NEMP1: variants seen among roughly 807,000 people sequenced by gnomAD.
The protein encoded by NEMP1 is nuclear envelope integral membrane protein 1, also known as transmembrane protein 194.
A neutral mutation model predicts 53.7 loss-of-function variants in NEMP1; 29 were observed. The observed-to-expected ratio is 0.54, with a 90% CI of 0.40 to 0.74. The LOEUF (loss-of-function observed/expected upper bound fraction) is 0.74, where lower values mean the gene tolerates loss of function less well. Ranked by LOEUF, NEMP1 falls within the 30% of genes least tolerant of loss-of-function variation. The pLI is 0.00. For missense variants in NEMP1, 477 were observed against 528.6 expected, an observed-to-expected ratio of 0.90 and a Z score of 0.96; for synonymous variants, 193 against 192.9, an observed-to-expected ratio of 1.00 and a Z score of 0.00.
At chr12:57,082,184 C>A (rs902360076), upstream of NEMP1, among the ~76,000 whole-genome samples, 3 of 152,184 alleles carry the variant, frequency 2.0e-5, no homozygotes, top group African/African-American at 7.2e-5. Flanking sequence ...AGTGCCACTG[C>A]ACTCCAGCCC....
At chr12:57,073,466 C>A (rs564326989) in intron 1 of NEMP1, among the ~76,000 whole-genome samples, 3 of 151,598 alleles carry the variant, frequency 2.0e-5, no homozygotes, top group Admixed American at 1.3e-4. Context: ...ATGGAGAAAC[C>A]CCCCCGTCTC....
At position 57,061,056 on chromosome 12, in the gene NEMP1, A is replaced by G. The variant is rs1196178790; in HGVS notation, c.981-111T>C. ...TACAGCAGACAGCCTGAACATTAAG[A>G]GTCATCACTCCTAAAAATTCCATGG... On this transcript the variant is annotated intron_variant, in intron 7 of 8. Coordinates refer to ENST00000300128, the MANE Select transcript of NEMP1 (RefSeq NM_001130963.2). The G allele has an allele frequency of 8.3e-6, 9 of 1,079,842 alleles. No individual in the cohort carries two copies. The Admixed American group carries it at 2.0e-4, about 24-fold the overall frequency. 66.9% of individuals were successfully genotyped at this position (1,079,842 alleles called of 1,614,324 possible).
Position 57,060,917 on chromosome 12 carries a change from C to A in NEMP1, c.1009G>T (p.Val337Phe). Reference protein sequence around the residue: ...RKVCKGAEKPVPPRLLTEEEY... With the variant: ...RKVCKGAEKPFPPRLLTEEEY... ...TCTTCTGTCAGGAGACGAGGGGGAA[C>A]AGGCTTTTCTGCTCCCTTACACACC... Residue 337 changes from valine to phenylalanine, a missense_variant, in exon 8 of 9, where the codon GTT (valine) becomes TTT (phenylalanine). Physicochemically the swap from Val to Phe is conservative, Grantham distance 50. Transcript: ENST00000300128. 1 of 1,614,060 alleles carries A rather than the reference C, an allele frequency of 6.2e-7. No homozygotes were observed. Among genetic ancestry groups the A allele is most frequent in the East Asian group, 2.2e-5 (1 of 44,882 alleles).
chr12:57,084,407 G>A (rs1223105223), intron 1 of NEMP1, among the ~76,000 whole-genome samples: 1 of 152,170 alleles, frequency 6.6e-6, no homozygotes, highest in Non-Finnish European at 1.5e-5. Context: ...AGGAGCCTGA[G>A]AGTCACCCTA....
rs1437881971 is a variant in NEMP1 at position 57,056,160 on chromosome 12, G to C, written c.*3719C>G. On this transcript the variant is annotated 3_prime_UTR_variant, in exon 9 of 9. Transcript: ENST00000300128. ...GCCACTAAAGCTACGAGTTGGTGTT[G>C]GCATGAATCTGCTTTGTTTATTCCC... 1 of 152,132 alleles carries C rather than the reference G, an allele frequency of 6.6e-6. No individual in the cohort carries two copies. The highest frequency in any genetic ancestry group is 6.5e-5 in the Admixed American group (1 of 15,274). 9.4% of individuals were successfully genotyped at this position (152,132 alleles called of 1,614,324 possible).
intron 3 of NEMP1, among the ~76,000 whole-genome samples, chr12:57,070,280 C>T (rs2032283638): frequency 6.6e-6 from 1 of 152,150 alleles, no homozygotes; most frequent in Admixed American, 6.5e-5. Flanking sequence ...TAACCATTCA[C>T]GTCTTTAAAT....
rs1286772544 is a variant in NEMP1 at position 57,059,054 on chromosome 12, T to C, written c.*825A>G. On this transcript the variant is annotated 3_prime_UTR_variant, in exon 9 of 9. Transcript: ENST00000300128. ...CCTTCCTGAAAGGGCAAAGGCAGGGTAAGGAAGAATGGGAAGAGAAGAATA... is the reference window on the plus strand; with the variant it reads ...CCTTCCTGAAAGGGCAAAGGCAGGGCAAGGAAGAATGGGAAGAGAAGAATA... The C allele has an allele frequency of 6.6e-6, 1 of 152,066 alleles. No homozygotes were observed. The highest frequency in any genetic ancestry group is 1.9e-4 in the East Asian group (1 of 5,198). 9.4% of individuals were successfully genotyped at this position (152,066 alleles called of 1,614,324 possible). A position where few individuals can be genotyped will look rare whatever the true frequency, so the allele number is the denominator to read the frequency against.
At chr12:57,071,120 T>C (rs1237253435) in intron 2 of NEMP1, among the ~76,000 whole-genome samples, 4 of 152,196 alleles carry the variant, frequency 2.6e-5, no homozygotes, top group African/African-American at 9.7e-5. Context: ...CTTGTTAACA[T>C]GATCTGAATC....
In NEMP1 at chr12:57,060,926, C is replaced by T; in HGVS notation, c.1000G>A (p.Glu334Lys). 1 of 1,613,946 alleles carries T rather than the reference C, an allele frequency of 6.2e-7. No individual in the cohort carries two copies. Among genetic ancestry groups the T allele is most frequent in the African/African-American group, 1.3e-5 (1 of 75,030 alleles). The change falls in exon 8 of 9, where the codon GAA becomes AAA. Residue 334 changes from glutamate (E) to lysine (K), a missense_variant. Glu to Lys is a moderately conservative substitution (Grantham distance 56). Transcript: ENST00000300128. Reference sequence around the variant, plus strand: ...AGGAGACGAGGGGGAACAGGCTTTTCTGCTCCCTTACACACCTTTCTGTGC... The same window carrying T: ...AGGAGACGAGGGGGAACAGGCTTTTTTGCTCCCTTACACACCTTTCTGTGC... ...ITCRKVCKGA[E>K]KPVPPRLLTE...
rs2032238413 is a variant in NEMP1, at chr12:57,069,266, A to C, written c.513T>G (p.Leu171=). ...GCAAGTCTCCACAAAAAAATAGCATAAGTCCAAGAAGGAAAACAAGAAAGA... is the reference window on the plus strand; with the variant it reads ...GCAAGTCTCCACAAAAAAATAGCATCAGTCCAAGAAGGAAAACAAGAAAGA... ...PKLFLVFLLG[L]MLFFCGDLLS... is the part of the protein sequence containing the mutation. The change falls in exon 4 of 9, where the codon CTT becomes CTG. Residue 171 remains leucine (L), a synonymous_variant. Coordinates refer to ENST00000300128, the MANE Select transcript of NEMP1 (RefSeq NM_001130963.2). 1 of 1,546,788 alleles carries C rather than the reference A, an allele frequency of 6.5e-7. No individual in the cohort carries two copies. The highest frequency in any genetic ancestry group is 2.0e-5 in the Admixed American group (1 of 49,558).
intron 1 of NEMP1, among the ~76,000 whole-genome samples, chr12:57,076,488 A>AC (rs2032627274): frequency 6.6e-6 from 1 of 151,328 alleles, no homozygotes; most frequent in Non-Finnish European, 1.5e-5. Flanking sequence ...ACATGGTGAA[A>AC]CCCCATCTCT....
chr12:57,074,291 C>T (rs963510079), intron 1 of NEMP1, among the ~76,000 whole-genome samples: 5 of 142,924 alleles, frequency 3.5e-5, no homozygotes, highest in African/African-American at 1.1e-4. Flanking sequence ...GCCCAGCCAG[C>T]ATTTTTTTTT....
chr12:57,087,608 G>A (rs941816005), intron 1 of NEMP1, among the ~76,000 whole-genome samples: 7 of 151,852 alleles, frequency 4.6e-5, no homozygotes, highest in African/African-American at 1.7e-4. Flanking sequence ...TTGGAGAAGA[G>A]GACCTGAGCA....
chr12:57,061,774 G>A (rs1441897698), intron 7 of NEMP1, among the ~76,000 whole-genome samples: 17 of 151,840 alleles, frequency 1.1e-4, no homozygotes, highest in Admixed American at 1.1e-3. Flanking sequence ...GCCAAGGTGG[G>A]CAGATCACAA....
At chr12:57,082,829 T>C (rs1336408888), upstream of NEMP1, among the ~76,000 whole-genome samples, 6 of 150,574 alleles carry the variant, frequency 4.0e-5, no homozygotes, top group African/African-American at 1.2e-4. Flanking sequence ...CTGGGCAACA[T>C]AGTGAAACCC....
At chr12:57,083,052 T>C (rs970503037), upstream of NEMP1, among the ~76,000 whole-genome samples, 2 of 152,078 alleles carry the variant, frequency 1.3e-5, no homozygotes, top group Non-Finnish European at 2.9e-5. Context: ...AAGGCTAATA[T>C]ATATGTATAG....
rs934896492 is a variant in NEMP1, at chr12:57,058,151, T to C, written c.*1728A>G. On this transcript the variant is annotated 3_prime_UTR_variant, in exon 9 of 9. Transcript: ENST00000300128. Reference sequence around the variant, plus strand: ...TTTTTCACTTTCTACTATATGTCTCTTTCCTGCCAACTGAGGTAGTTGTCA... The same window carrying C: ...TTTTTCACTTTCTACTATATGTCTCCTTCCTGCCAACTGAGGTAGTTGTCA... The C allele has an allele frequency of 6.7e-6, 1 of 149,668 alleles. No homozygotes were observed. The highest frequency in any genetic ancestry group is 1.5e-5 in the Non-Finnish European group (1 of 67,896). The allele number at this position is 149,668 out of a possible 1,614,324, so 9.3% of individuals were successfully genotyped here.
At chr12:57,079,783 T>C (rs563997727), upstream of NEMP1, among the ~76,000 whole-genome samples, 1 of 152,210 alleles carries the variant, frequency 6.6e-6, no homozygotes, top group East Asian at 1.9e-4. Context: ...TTTTTTAATG[T>C]TTTTAGAGAC....
chr12:57,061,325 T>G (rs2136482052), intron 7 of NEMP1, among the ~76,000 whole-genome samples: 1 of 152,358 alleles, frequency 6.6e-6, no homozygotes, highest in Admixed American at 6.5e-5. Flanking sequence ...ACAAACTCAC[T>G]TTATTTTCCA....
Sources: gnomAD v4.1 joint callset for allele counts (sites outside exome capture counted in the v4.1 genomes callset) on GRCh38, gnomAD v4.1.1 for gene constraint, MANE v1.5 for transcripts, NCBI Gene and HGNC (gene_info 2026-07-23, HGNC 2026-07-21) for gene names.